The following LIPA variants were observed in gnomAD, a reference collection of about 807,000 sequenced individuals.
LIPA encodes the protein lipase A, lysosomal acid type, also known as lysosomal acid lipase/cholesteryl ester hydrolase.
LIPA carries 26 observed loss-of-function variants against 40.6 expected under a neutral mutation model. The observed-to-expected ratio is 0.64, with a 90% CI of 0.47 to 0.89. The LOEUF (loss-of-function observed/expected upper bound fraction) is 0.89, where lower values mean the gene tolerates loss of function less well. Among genes scored for constraint, LIPA ranks in the 40% least tolerant of loss-of-function variants. LIPA has a pLI of 0.00. For missense variants in LIPA, 455 were observed against 479.6 expected (o/e 0.95, Z 0.48); for synonymous variants, 188 against 168.4 (o/e 1.12, Z -0.90).
At chr10:89,363,921 C>T (rs527481259) in intron 2 of LIPA, among the ~76,000 whole-genome samples, 35 of 152,206 alleles carry the variant, frequency 2.3e-4, no homozygotes, top group African/African-American at 7.9e-4. Context: ...GAGTTTGAAT[C>T]TCATTGTGCT....
chr10:89,230,928 G>A (rs1842833926), intron 3 of LIPA, among the ~76,000 whole-genome samples: 1 of 152,184 alleles, frequency 6.6e-6, no homozygotes, highest in Non-Finnish European at 1.5e-5. Flanking sequence ...TGACACACGG[G>A]TCACAGTGAA....
chr10:89,355,304 G>A (rs988597216), intron 2 of LIPA, among the ~76,000 whole-genome samples: 1 of 152,164 alleles, frequency 6.6e-6, no homozygotes, highest in South Asian at 2.1e-4. Flanking sequence ...GTCTTCCAAA[G>A]TTAGCTCAAC....
At chr10:89,269,781 G>A (rs1447507501) in intron 1 of LIPA, among the ~76,000 whole-genome samples, 8 of 152,156 alleles carry the variant, frequency 5.3e-5, no homozygotes, top group Non-Finnish European at 1.0e-4. Context: ...ATTTGGGGGA[G>A]GATGAGGTTT....
intron 2 of LIPA, among the ~76,000 whole-genome samples, chr10:89,372,792 A>C (rs1184432036): frequency 6.6e-6 from 1 of 152,206 alleles, no homozygotes. Flanking sequence ...TGCATCTAGA[A>C]AACATCTTCA....
intron 8 of LIPA, among the ~76,000 whole-genome samples, chr10:89,219,596 A>C (rs942240798): frequency 6.6e-6 from 1 of 152,204 alleles, no homozygotes; most frequent in African/African-American, 2.4e-5. Context: ...TTTAAGGTCA[A>C]CCCCAAACTC....
intron 2 of LIPA, among the ~76,000 whole-genome samples, chr10:89,395,479 AT>A (rs1016859192): frequency 6.6e-6 from 1 of 151,790 alleles, no homozygotes; most frequent in Non-Finnish European, 1.5e-5. Context: ...TTCACATACT[AT>A]TTTTTTCAAT....
At chr10:89,364,572 T>A (rs1249940023) in intron 2 of LIPA, among the ~76,000 whole-genome samples, 2 of 151,782 alleles carry the variant, frequency 1.3e-5, no homozygotes, top group Admixed American at 6.6e-5. Context: ...TATAGCTTTA[T>A]AACAAATCCA....
rs1365287736 is a variant in LIPA at position 89,334,651 on chromosome 10, C to G, written c.-2+7960G>C. On this transcript the variant is annotated intron_variant, in intron 1 of 5. Coordinates refer to the LIPA transcript ENST00000282673. ...GGGATTACAGGCGCCTGCCACCACGCCCGGCTAATTTTTGTGTTTTTAGTA... is the reference window on the plus strand; with the variant it reads ...GGGATTACAGGCGCCTGCCACCACGGCCGGCTAATTTTTGTGTTTTTAGTA... Among the ~76,000 whole-genome samples the G allele has an allele frequency of 4.6e-5, 7 of 151,680 alleles. No homozygotes were observed. The East Asian group carries it at 7.7e-4, about 17-fold the overall frequency.
At position 89,225,163 on chromosome 10, in the gene LIPA, G is replaced by T; in HGVS notation, c.604C>A (p.Pro202Thr). The change falls in exon 6 of 10, where the codon CCT becomes ACT. Residue 202 changes from proline to threonine, a missense_variant. Physicochemically the swap from Pro to Thr is conservative, Grantham distance 38. Transcript: ENST00000336233. ...GTACAGAAGGCGACGGAAGCCACAGGACCCAGGGCAAAAAACATTTTAATC... is the reference window on the plus strand; with the variant it reads ...GTACAGAAGGCGACGGAAGCCACAGTACCCAGGGCAAAAAACATTTTAATC... ...KRIKMFFALG[P>T]VASVAFCTSP... The T allele has an allele frequency of 1.9e-6, 3 of 1,614,168 alleles. No individual in the cohort carries two copies. Among genetic ancestry groups the T allele is most frequent in the Non-Finnish European group, 2.5e-6 (3 of 1,180,008 alleles).
Position 89,265,335 on chromosome 10 carries a change from G to A in LIPA, c.-1-17686C>T, listed in dbSNP as rs75815802. Among the ~76,000 whole-genome samples the A allele has an allele frequency of 1.6e-3, 236 of 152,230 alleles. 2 individuals carry two copies. The East Asian group carries it at 0.023, about 15-fold the overall frequency. ...GGTGGGGCTCCTGACCTGCCAACTC[G>A]GAAGGGGACAGGGCTCCCACCATCT... On this transcript the variant is annotated intron_variant, in intron 1 of 5. Transcript: ENST00000282673.
At chr10:89,387,700 T>C (rs533980552) in intron 2 of LIPA, among the ~76,000 whole-genome samples, 1 of 152,220 alleles carries the variant, frequency 6.6e-6, no homozygotes, top group South Asian at 2.1e-4. Context: ...AATCCACATA[T>C]GTAAGCTAAA....
Position 89,214,694 on chromosome 10 carries a change from A to C in LIPA, c.*134T>G. 2 of 656,576 alleles carry C rather than the reference A, an allele frequency of 3.0e-6. No individual in the cohort carries two copies. Among genetic ancestry groups the C allele is most frequent in the East Asian group, 2.7e-5 (1 of 36,738 alleles). 40.7% of individuals were successfully genotyped at this position (656,576 alleles called of 1,614,324 possible). On this transcript the variant is annotated 3_prime_UTR_variant, in exon 10 of 10. Coordinates refer to ENST00000336233, the MANE Select transcript of LIPA (RefSeq NM_000235.4). Reference sequence around the variant, plus strand: ...AAACTAGAGTGAACTGGGCATCTTCAAAGTTATCATTTTCTTGGATATAAA... The same window carrying C: ...AAACTAGAGTGAACTGGGCATCTTCCAAGTTATCATTTTCTTGGATATAAA...
At chr10:89,330,156 A>T (rs1000915879) in intron 1 of LIPA, among the ~76,000 whole-genome samples, 5 of 152,230 alleles carry the variant, frequency 3.3e-5, no homozygotes, top group African/African-American at 1.2e-4. Flanking sequence ...ATGATGGCTT[A>T]GCTTGGGCTC....
upstream of LIPA, among the ~76,000 whole-genome samples, chr10:89,252,807 C>A (rs12247969): frequency 0.089 from 11,774 of 132,162 alleles, 822 homozygotes; most frequent in South Asian, 0.17. Flanking sequence ...CTCCATCCCC[C>A]AAAAAAAAAA....
Position 89,309,898 on chromosome 10 carries a change from T to G in LIPA, c.-2+32713A>C, listed in dbSNP as rs546107905. 1.5e-4 allele frequency among the ~76,000 whole-genome samples: 23 copies of G among 152,298 alleles called. No individual in the cohort carries two copies. The South Asian group carries it at 4.1e-3, about 27-fold the overall frequency. On this transcript the variant is annotated intron_variant, in intron 1 of 5. Coordinates refer to the LIPA transcript ENST00000282673. Reference sequence around the variant, plus strand: ...CATTTCCCGGGGCAGGACATTTGACTCCCTTCATATATTCATCCAACACGG... The same window carrying G: ...CATTTCCCGGGGCAGGACATTTGACGCCCTTCATATATTCATCCAACACGG...
Position 89,339,196 on chromosome 10 carries a change from T to C in LIPA, c.-2+3415A>G, listed in dbSNP as rs1341298919. 2.5e-6 allele frequency: 4 copies of C among 1,614,086 alleles called. No individual in the cohort carries two copies. In the Admixed American group the frequency reaches 5.0e-5, roughly 20 times the overall value. Reference sequence around the variant, plus strand: ...CTCCTCTGGACTGGCAATTGCGATGTACCATCTGGATAATCACCCAGAGAA... The same window carrying C: ...CTCCTCTGGACTGGCAATTGCGATGCACCATCTGGATAATCACCCAGAGAA... On this transcript the variant is annotated intron_variant, in intron 1 of 5. Coordinates refer to the LIPA transcript ENST00000282673.
chr10:89,219,777 A>G (rs997291794), intron 8 of LIPA, among the ~76,000 whole-genome samples: 7 of 152,256 alleles, frequency 4.6e-5, no homozygotes, highest in Non-Finnish European at 1.0e-4. Context: ...GCCAAAGGGA[A>G]GATCCGATAC....
At chr10:89,355,581 G>A (rs1272173791) in intron 2 of LIPA, among the ~76,000 whole-genome samples, 1 of 152,204 alleles carries the variant, frequency 6.6e-6, no homozygotes, top group Admixed American at 6.5e-5. Context: ...GGTGAAATAA[G>A]GCTGAGACCT....
At chr10:89,264,027 C>T (rs1480122302) in intron 1 of LIPA, among the ~76,000 whole-genome samples, 1 of 152,230 alleles carries the variant, frequency 6.6e-6, no homozygotes, top group Non-Finnish European at 1.5e-5. Context: ...TTGGAGAAGC[C>T]AGAAACCACA....
Sources: gnomAD v4.1 joint callset for allele counts (sites outside exome capture counted in the v4.1 genomes callset) on GRCh38, gnomAD v4.1.1 for gene constraint, MANE v1.5 for transcripts, NCBI Gene and HGNC (gene_info 2026-07-23, HGNC 2026-07-21) for gene names.